The following GRIA4 variants were observed in gnomAD, a reference collection of about 807,000 sequenced individuals.
The protein encoded by GRIA4 is glutamate receptor 4.
Under a neutral mutation model 104.0 loss-of-function variants are expected in GRIA4, and 34 were observed. That is an observed-to-expected ratio of 0.33 (90% confidence interval 0.25 to 0.44). GRIA4 has a LOEUF of 0.44. Ranked by LOEUF, GRIA4 falls within the 20% of genes least tolerant of loss-of-function variation. The pLI, the probability that GRIA4 is intolerant of heterozygous loss-of-function variation, is 1.00. For missense variants in GRIA4, 750 were observed against 1,096.5 expected, an observed-to-expected ratio of 0.68 and a Z score of 4.46; for synonymous variants, 386 against 381.9, an observed-to-expected ratio of 1.01 and a Z score of -0.13.
In GRIA4 at chr11:105,923,617, A is replaced by C. The variant is rs533954682; in HGVS notation, c.1477-782A>C. On this transcript the variant is annotated intron_variant, in intron 11 of 16. Coordinates refer to ENST00000282499, the MANE Select transcript of GRIA4 (RefSeq NM_000829.4). Reference sequence around the variant, plus strand: ...AACGTTATGAGGTAAACAGGGAAAAAGTATCCTCATTTTATAGCTGTAGAA... The same window carrying C: ...AACGTTATGAGGTAAACAGGGAAAACGTATCCTCATTTTATAGCTGTAGAA... Among the ~76,000 whole-genome samples, 10 of 152,334 alleles carry C rather than the reference A, an allele frequency of 6.6e-5. No individual in the cohort carries two copies. The South Asian group carries it at 1.9e-3, about 28-fold the overall frequency.
chr11:105,624,960 G>C (rs1449756030), intron 3 of GRIA4, among the ~76,000 whole-genome samples: 1 of 151,824 alleles, frequency 6.6e-6, no homozygotes, highest in Non-Finnish European at 1.5e-5. Flanking sequence ...TATACTTTTA[G>C]ACTATGCACA....
chr11:105,688,395 A>G (rs896992143), intron 3 of GRIA4, among the ~76,000 whole-genome samples: 7 of 151,682 alleles, frequency 4.6e-5, no homozygotes, highest in African/African-American at 1.7e-4. Flanking sequence ...CGTCTCTACT[A>G]AAAAATACAG....
At position 105,937,783 on chromosome 11, in the gene GRIA4, A is replaced by G. The variant is rs1591466021; in HGVS notation, c.2294+3814A>G. 2.0e-5 allele frequency among the ~76,000 whole-genome samples: 3 copies of G among 152,182 alleles called. No homozygotes were observed. The East Asian group carries it at 5.8e-4, about 29-fold the overall frequency. ...TCACTGAAAAAAAATAAAAATAAAAAGATGCTTTAAAAGAAAGCAGTTCCA... is the reference window on the plus strand; with the variant it reads ...TCACTGAAAAAAAATAAAAATAAAAGGATGCTTTAAAAGAAAGCAGTTCCA... On this transcript the variant is annotated intron_variant, in intron 14 of 16. Transcript: ENST00000282499.
chr11:105,771,543 A>G (rs572602300), intron 4 of GRIA4, among the ~76,000 whole-genome samples: 1 of 152,186 alleles, frequency 6.6e-6, no homozygotes, highest in East Asian at 1.9e-4. Context: ...AAGTTTCTCT[A>G]AGAAGGTATA....
chr11:105,732,994 A>G (rs947982375), intron 3 of GRIA4, among the ~76,000 whole-genome samples: 3 of 152,214 alleles, frequency 2.0e-5, no homozygotes, highest in Non-Finnish European at 4.4e-5. Context: ...CAAATTGTGT[A>G]TACCACACTT....
intron 4 of GRIA4, chr11:105,842,883 G>A (rs1944446534): frequency 6.6e-6 from 1 of 152,190 alleles, no homozygotes; most frequent in South Asian, 2.1e-4. Context: ...ATGATGCTAA[G>A]AGAAAAAGAA....
rs1555010324 is a variant in GRIA4 at position 105,794,473 on chromosome 11, G to GTGTATATA, written c.487+41254_487+41255insGTATATAT. 3.9e-4 allele frequency among the ~76,000 whole-genome samples: 17 copies of GTGTATATA among 43,882 alleles called. 1 individual carries two copies. Among genetic ancestry groups the GTGTATATA allele is most frequent in the African/African-American group, 1.2e-3 (12 of 9,970 alleles). 28.8% of individuals were successfully genotyped at this position (43,882 alleles called of 152,430 possible). ...TGTGTCTGTGTGTGTGTATATGTAT[G>GTGTATATA]TATATATATATATATATATATATAT... is the stretch of plus-strand genomic sequence containing the variant. On this transcript the variant is annotated intron_variant, in intron 4 of 16. Transcript: ENST00000282499.
At chr11:105,620,614 G>T (rs1362849731) in intron 3 of GRIA4, among the ~76,000 whole-genome samples, 2 of 151,756 alleles carry the variant, frequency 1.3e-5, no homozygotes, top group Non-Finnish European at 2.9e-5. Flanking sequence ...TGGACATATT[G>T]ATTTTTCTAT....
At chr11:105,637,500 A>C (rs1951237850) in intron 3 of GRIA4, among the ~76,000 whole-genome samples, 1 of 152,198 alleles carries the variant, frequency 6.6e-6, no homozygotes, top group African/African-American at 2.4e-5. Context: ...TACCGTATGC[A>C]TCATACCATA....
chr11:105,912,355 T>C (rs1465993046), intron 10 of GRIA4: 1 of 973,996 alleles, frequency 1.0e-6, no homozygotes, highest in Non-Finnish European at 1.2e-6. Flanking sequence ...ATGTGCATTA[T>C]AGGTATGATA....
At chr11:105,627,410 T>G (rs1040635338) in intron 3 of GRIA4, among the ~76,000 whole-genome samples, 1 of 152,122 alleles carries the variant, frequency 6.6e-6, no homozygotes, top group Non-Finnish European at 1.5e-5. Context: ...TATGCCATAT[T>G]CTTCCACAGA....
intron 13 of GRIA4, among the ~76,000 whole-genome samples, chr11:105,928,123 T>TGTAA: frequency 6.6e-6 from 1 of 152,156 alleles, no homozygotes; most frequent in Non-Finnish European, 1.5e-5. Context: ...TACTTGAATT[T>TGTAA]CTGTAAGATA....
At chr11:105,906,622 C>G (rs1490125314) in intron 9 of GRIA4, among the ~76,000 whole-genome samples, 1 of 152,180 alleles carries the variant, frequency 6.6e-6, no homozygotes, top group African/African-American at 2.4e-5. Context: ...TTTCCATCTT[C>G]TTAATGGCAT....
chr11:105,861,564 A>G (rs1591363466), intron 4 of GRIA4, among the ~76,000 whole-genome samples: 1 of 152,168 alleles, frequency 6.6e-6, no homozygotes, highest in South Asian at 2.1e-4. Flanking sequence ...ATACTGTTGT[A>G]CTGTTTCTTT....
At chr11:105,717,751 G>C (rs892851564) in intron 3 of GRIA4, among the ~76,000 whole-genome samples, 2 of 151,110 alleles carry the variant, frequency 1.3e-5, no homozygotes, top group Non-Finnish European at 2.9e-5. Context: ...TAGGGTACAT[G>C]TGCACAATGT....
chr11:105,710,629 G>C (rs1222957549), intron 3 of GRIA4, among the ~76,000 whole-genome samples: 2 of 152,134 alleles, frequency 1.3e-5, no homozygotes, highest in African/African-American at 4.8e-5. Context: ...GAAAGAGAAT[G>C]GGCCTTGGAC....
At chr11:105,956,205 C>T (rs1476498847) in intron 14 of GRIA4, among the ~76,000 whole-genome samples, 1 of 151,948 alleles carries the variant, frequency 6.6e-6, no homozygotes, top group Non-Finnish European at 1.5e-5. Context: ...GTGTGTTGCA[C>T]CCATCAACTC....
rs758541918 is a variant in GRIA4, at chr11:105,918,924, C to A, written c.1476+6C>A. The A allele has an allele frequency of 2.3e-5, 36 of 1,543,008 alleles. No individual in the cohort carries two copies. The highest frequency in any genetic ancestry group is 2.9e-5 in the Non-Finnish European group (32 of 1,115,722). Reference sequence around the variant, plus strand: ...TAGGAGAACTTGTTTATGGGGTAAGCAAATCAACTTATTGAAGAATTTACT... The same window carrying A: ...TAGGAGAACTTGTTTATGGGGTAAGAAAATCAACTTATTGAAGAATTTACT... On this transcript the variant is annotated splice_donor_region_variant and intron_variant, in intron 11 of 16. Transcript: ENST00000282499.
chr11:105,711,709 A>G (rs146041795), intron 3 of GRIA4, among the ~76,000 whole-genome samples: 106 of 152,276 alleles, frequency 7.0e-4, no homozygotes, highest in African/African-American at 2.1e-3. Flanking sequence ...TTAAATCAAC[A>G]TTGATTAATC....
Sources: allele counts gnomAD v4.1 joint callset (sites outside exome capture counted in the v4.1 genomes callset), GRCh38; gene constraint gnomAD v4.1.1; transcripts MANE v1.5; gene names NCBI Gene and HGNC (gene_info 2026-07-23, HGNC 2026-07-21).